MUC17: variants seen among roughly 807,000 people sequenced by gnomAD.
MUC17 encodes mucin 17, cell surface associated.
MUC17 carries 190 observed loss-of-function variants against 170.3 expected under a neutral mutation model. The ratio of observed to expected loss-of-function variants is 1.12; its 90% CI spans 0.99 to 1.26. The LOEUF (loss-of-function observed/expected upper bound fraction) is 1.26, where lower values mean the gene tolerates loss of function less well. MUC17 is among the 50% of genes most tolerant of loss of function. MUC17 has a pLI of 0.00. For synonymous variants in MUC17, 2,325 were observed against 2,002.5 expected, an observed-to-expected ratio of 1.16 and a Z score of -4.30; for missense variants, 6,415 against 5,530.0, an observed-to-expected ratio of 1.16 and a Z score of -5.08.
In MUC17 at chr7:101,038,238, T is replaced by A. The variant is rs770000902; in HGVS notation, c.6822T>A (p.Leu2274=). 1 of 1,613,842 alleles carries A rather than the reference T, an allele frequency of 6.2e-7. No individual in the cohort carries two copies. The highest frequency in any genetic ancestry group is 8.5e-7 in the Non-Finnish European group (1 of 1,179,932). ...AEGTSIPTST[L]SEGTTPLTSI... is the part of the protein sequence containing the mutation. ...GTACCAGCATACCAACTTCAACTCT[T>A]AGTGAAGGAACGACTCCATTAACAA... is the stretch of plus-strand genomic sequence containing the variant. The change falls in exon 3 of 13, where the codon CTT becomes CTA. Residue 2274 remains leucine (L), a synonymous_variant. Coordinates refer to ENST00000306151, the MANE Select transcript of MUC17 (RefSeq NM_001040105.2).
At position 101,038,663 on chromosome 7, in the gene MUC17, C is replaced by G; in HGVS notation, c.7247C>G (p.Thr2416Ser). Residue 2416 changes from threonine (T) to serine (S), a missense_variant, in exon 3 of 13, where the codon ACC (threonine) becomes AGC (serine). Coordinates refer to ENST00000306151, the MANE Select transcript of MUC17 (RefSeq NM_001040105.2). ...CCGGTGGTCAGTTCTGAGGCTAGCA[C>G]CCATTCCACAACTCCTGTTGACACC... ...TMPVVSSEASTHSTTPVDTST... is the reference protein window; with the variant it reads ...TMPVVSSEASSHSTTPVDTST... 1.2e-6 allele frequency: 2 copies of G among 1,614,024 alleles called. No individual in the cohort carries two copies. Among genetic ancestry groups the G allele is most frequent in the African/African-American group, 1.3e-5 (1 of 74,988 alleles).
At chr7:101,021,184 T>A (rs1794072172) in intron 1 of MUC17, among the ~76,000 whole-genome samples, 1 of 131,078 alleles carries the variant, frequency 7.6e-6, no homozygotes, top group Non-Finnish European at 1.6e-5. Context: ...TCTCCTCCTT[T>A]TTTTTTTTTT....
At position 101,033,789 on chromosome 7, in the gene MUC17, T is replaced by G. The variant is rs781704522; in HGVS notation, c.2373T>G (p.Thr791=). The G allele has an allele frequency of 6.2e-7, 1 of 1,613,738 alleles. No individual in the cohort carries two copies. Among genetic ancestry groups the G allele is most frequent in the Non-Finnish European group, 8.5e-7 (1 of 1,179,916 alleles). The change falls in exon 3 of 13, where the codon ACT becomes ACG. Residue 791 remains threonine, a synonymous_variant. Coordinates refer to ENST00000306151, the MANE Select transcript of MUC17 (RefSeq NM_001040105.2). The part of the protein sequence containing the change: ...STEASCSPTT[T]EGTSMPISTP... ...AAGCCAGTTGCTCTCCTACAACCACTGAAGGTACCAGCATGCCAATCTCAA... is the reference window on the plus strand; with the variant it reads ...AAGCCAGTTGCTCTCCTACAACCACGGAAGGTACCAGCATGCCAATCTCAA...
rs200703067 is a variant in MUC17 at position 101,041,214 on chromosome 7, T to C, written c.9798T>C (p.Ala3266=). The part of the protein sequence containing the change: ...STEASSSPPT[A]EGTSMPTSTP... The stretch of plus-strand genomic sequence containing the variant: ...AAGCCAGTTCATCTCCTCCCACTGC[T>C]GAAGGTACCAGCATGCCAACCTCAA... Residue 3266 remains alanine, a synonymous_variant, in exon 3 of 13, where the codon GCT becomes GCC. Coordinates refer to ENST00000306151, the MANE Select transcript of MUC17 (RefSeq NM_001040105.2). 3.5e-5 allele frequency: 56 copies of C among 1,613,462 alleles called. No individual in the cohort carries two copies. The Admixed American group carries it at 9.3e-4, about 27-fold the overall frequency.
Position 101,039,546 on chromosome 7 carries a change from C to T in MUC17, c.8130C>T (p.Ser2710=). 1.2e-6 allele frequency: 2 copies of T among 1,612,464 alleles called. No individual in the cohort carries two copies. The highest frequency in any genetic ancestry group is 3.3e-5 in the Admixed American group (2 of 59,768). ...CGCTGTTGGCCAATTCTGAGGCTAG[C>T]ACCCTTTCAACAACTCCTGTTGACA... The part of the protein sequence containing the change: ...STTLLANSEA[S]TLSTTPVDTS... The change falls in exon 3 of 13, where the codon AGC becomes AGT. Residue 2710 remains serine (S), a synonymous_variant. Transcript: ENST00000306151.
rs149636438 is a variant in MUC17 at position 101,037,874 on chromosome 7, C to A, written c.6458C>A (p.Thr2153Asn). 2 of 1,610,854 alleles carry A rather than the reference C, an allele frequency of 1.2e-6. No individual in the cohort carries two copies. The highest frequency in any genetic ancestry group is 1.7e-6 in the Non-Finnish European group (2 of 1,178,138). ...PIPTEGTSMQ[T>N]STYSDRRTPL... ...CCTACTGAAGGTACCAGCATGCAAACCTCAACTTATAGTGACAGAAGAACT... is the reference window on the plus strand; with the variant it reads ...CCTACTGAAGGTACCAGCATGCAAAACTCAACTTATAGTGACAGAAGAACT... The change falls in exon 3 of 13, where the codon ACC becomes AAC. Residue 2153 changes from threonine (T) to asparagine (N), a missense_variant. Physicochemically the swap from Thr to Asn is moderately conservative, Grantham distance 65 (BLOSUM62 0). Transcript: ENST00000306151.
chr7:101,038,748 C>A lies in MUC17; in HGVS notation c.7332C>A (p.Thr2444=), dbSNP rs1464138677. The change falls in exon 3 of 13, where the codon ACC becomes ACA. Residue 2444 remains threonine, a synonymous_variant. Transcript: ENST00000306151. ...CATCTCCTACAACTGCTGAAGGTAC[C>A]AGCATACCAACCTCACCTCCTAGTG... is the stretch of plus-strand genomic sequence containing the variant. ...ASSSPTTAEG[T]SIPTSPPSEG... The A allele has an allele frequency of 6.2e-7, 1 of 1,612,386 alleles. No homozygotes were observed. The highest frequency in any genetic ancestry group is 8.5e-7 in the Non-Finnish European group (1 of 1,179,108).
chr7:101,044,177 T>C lies in MUC17; in HGVS notation c.12403+358T>C, dbSNP rs147490335. On this transcript the variant is annotated intron_variant, in intron 3 of 12. Transcript: ENST00000306151. ...CCTACAAAGGATGTGAACTCGTCCT[T>C]TTTTAATGGCTGCATAGTATTCCAT... 1.4e-4 allele frequency among the ~76,000 whole-genome samples: 22 copies of C among 152,316 alleles called. 1 individual carries two copies. The highest frequency in any genetic ancestry group is 4.8e-4 in the African/African-American group (20 of 41,566).
chr7:101,050,417 G>A (rs1017927476), intron 6 of MUC17, 67 bp from the exon 7 acceptor site: 8 of 1,559,612 alleles, frequency 5.1e-6, no homozygotes, highest in Non-Finnish European at 6.9e-6. Flanking sequence ...GGTGAAGCTT[G>A]CCTGGTACAG....
intron 12 of MUC17, among the ~76,000 whole-genome samples, chr7:101,056,490 T>A (rs189561886): frequency 6.6e-6 from 1 of 152,210 alleles, no homozygotes; most frequent in Non-Finnish European, 1.5e-5. Flanking sequence ...CCCCTGAGGC[T>A]TCAGGTTCGG....
rs368015481 is a variant in MUC17, at chr7:101,037,752, G to A, written c.6336G>A (p.Thr2112=). 1.5e-4 allele frequency: 247 copies of A among 1,613,654 alleles called. No homozygotes were observed. Among genetic ancestry groups the A allele is most frequent in the East Asian group, 5.4e-4 (24 of 44,856 alleles). ...PLLTSIPLST[T]PVASPEASTL... is the part of the protein sequence containing the mutation. ...TAACAAGTATACCTCTCAGCACCAC[G>A]CCGGTGGCCAGTCCTGAGGCTAGCA... Residue 2112 remains threonine, a synonymous_variant, in exon 3 of 13, where the codon ACG becomes ACA. Transcript: ENST00000306151.
chr7:101,028,658 C>T (rs979282200), intron 1 of MUC17, among the ~76,000 whole-genome samples: 2 of 149,924 alleles, frequency 1.3e-5, no homozygotes, highest in African/African-American at 2.5e-5. Context: ...CAGCAGGATC[C>T]CTTGAGGCCC....
Position 101,033,179 on chromosome 7 carries a change from G to T in MUC17, c.1763G>T (p.Ser588Ile). Residue 588 changes from serine to isoleucine, a missense_variant, in exon 3 of 13, where the codon AGC (serine) becomes ATC (isoleucine). Ser to Ile is a moderately radical substitution (Grantham distance 142). Transcript: ENST00000306151. ...AGGCTGGTGGTCAGTTCTGAGGCTA[G>T]CACCACTTCAACAACTCCTGCTGAC... ...STRLVVSSEASTTSTTPADSN... is the reference protein window; with the variant it reads ...STRLVVSSEAITTSTTPADSN... 2 of 1,614,042 alleles carry T rather than the reference G, an allele frequency of 1.2e-6. No individual in the cohort carries two copies. Among genetic ancestry groups the T allele is most frequent in the Non-Finnish European group, 1.7e-6 (2 of 1,179,998 alleles).
chr7:101,029,751 G>A (rs1158469337), intron 1 of MUC17, among the ~76,000 whole-genome samples: 3 of 151,638 alleles, frequency 2.0e-5, no homozygotes, highest in South Asian at 2.1e-4. Context: ...GGTGCACGCC[G>A]CCGCACCCGG....
Position 101,033,365 on chromosome 7 carries a change from C to G in MUC17, c.1949C>G (p.Ser650Ter), listed in dbSNP as rs768342772. Residue 650 changes from serine to a stop codon, truncating the protein, a stop_gained, in exon 3 of 13, where the codon TCA becomes TGA. Transcript: ENST00000306151. LOFTEE classifies it high-confidence loss of function. ...GCCAGTTCTGAGGCTAGCACCCTTT[C>G]AACAACTCCTGTTGACTCCAACACT... ...LVASSEASTL[S>*]TTPVDSNTPV... is the part of the protein sequence containing the mutation. 6 of 1,613,968 alleles carry G rather than the reference C, an allele frequency of 3.7e-6. No individual in the cohort carries two copies. The South Asian group carries it at 6.6e-5, about 18-fold the overall frequency.
Position 101,041,800 on chromosome 7 carries a change from A to G in MUC17, c.10384A>G (p.Ile3462Val). ...TAGTGAAGGAAGCACTCCATTATCA[A>G]TTATGCCTCTCAGTACCACGCCGGT... ...TTSEGSTPLS[I>V]MPLSTTPVAS... The change falls in exon 3 of 13, where the codon ATT (isoleucine) becomes GTT (valine). Residue 3462 changes from isoleucine to valine, a missense_variant. Coordinates refer to ENST00000306151, the MANE Select transcript of MUC17 (RefSeq NM_001040105.2). 1.2e-6 allele frequency: 2 copies of G among 1,613,526 alleles called. No homozygotes were observed. The highest frequency in any genetic ancestry group is 1.7e-6 in the Non-Finnish European group (2 of 1,179,918).
chr7:101,038,054 C>A lies in MUC17; in HGVS notation c.6638C>A (p.Ser2213Ter), dbSNP rs1316259289. ...TTSEGTSMPT[S>*]TPSEGSTPFT... ...TCTGAAGGTACCAGCATGCCAACCTCAACTCCTAGTGAAGGAAGCACTCCA... is the reference window on the plus strand; with the variant it reads ...TCTGAAGGTACCAGCATGCCAACCTAAACTCCTAGTGAAGGAAGCACTCCA... The change falls in exon 3 of 13, where the codon TCA becomes TAA. Residue 2213 changes from serine to a stop codon, truncating the protein, a stop_gained. Transcript: ENST00000306151. LOFTEE classifies it high-confidence loss of function. The A allele has an allele frequency of 1.4e-6, 2 of 1,407,498 alleles. No homozygotes were observed. The highest frequency in any genetic ancestry group is 9.5e-7 in the Non-Finnish European group (1 of 1,051,054). 87.2% of individuals were successfully genotyped at this position (1,407,498 alleles called of 1,614,324 possible). A position where few individuals can be genotyped will look rare whatever the true frequency, so the allele number is the denominator to read the frequency against.
At chr7:101,053,624 A>AAAAAATC in intron 11 of MUC17, 188 bp downstream of exon 11, 1 of 500,710 alleles carries the variant, frequency 2.0e-6, no homozygotes, top group Non-Finnish European at 3.5e-6. Flanking sequence ...AATAAAAAAT[A>AAAAAATC]AAAATAAAAA....
At position 101,032,519 on chromosome 7, in the gene MUC17, C is replaced by T; in HGVS notation, c.1103C>T (p.Ser368Phe). Reference protein sequence around the residue: ...PVDTSTLVTTSTEPSSLPTTA... With the variant: ...PVDTSTLVTTFTEPSSLPTTA... ...GACACCAGCACACTTGTGACCACTT[C>T]TACTGAACCCAGTTCACTTCCTACA... is the stretch of plus-strand genomic sequence containing the variant. Residue 368 changes from serine (S) to phenylalanine (F), a missense_variant, in exon 3 of 13, where the codon TCT becomes TTT. Coordinates refer to ENST00000306151, the MANE Select transcript of MUC17 (RefSeq NM_001040105.2). 1 of 1,614,206 alleles carries T rather than the reference C, an allele frequency of 6.2e-7. No homozygotes were observed. The highest frequency in any genetic ancestry group is 8.5e-7 in the Non-Finnish European group (1 of 1,180,044).
Sources: gnomAD v4.1 joint callset for allele counts (sites outside exome capture counted in the v4.1 genomes callset) on GRCh38, gnomAD v4.1.1 for gene constraint, MANE v1.5 for transcripts, NCBI Gene and HGNC (gene_info 2026-07-23, HGNC 2026-07-21) for gene names.